Variants in IMMP2L observed in about 807,000 individuals in gnomAD.
The protein encoded by IMMP2L is mitochondrial inner membrane protease subunit 2.
A neutral mutation model predicts 19.3 loss-of-function variants in IMMP2L; 18 were observed. The observed-to-expected ratio is 0.93, with a 90% confidence interval of 0.64 to 1.38. The LOEUF (loss-of-function observed/expected upper bound fraction) is 1.38, where lower values mean the gene tolerates loss of function less well. IMMP2L is among the 40% of genes most tolerant of loss of function. The probability of loss-of-function intolerance (pLI) is 0.00; values close to 1 mark genes in which losing one functional copy is unlikely to be tolerated. For synonymous variants in IMMP2L, 76 were observed against 73.0 expected (o/e 1.04, Z -0.21); for missense variants, 233 against 218.2 (o/e 1.07, Z -0.43).
At chr7:111,135,879 G>C (rs531140787) in intron 3 of IMMP2L, among the ~76,000 whole-genome samples, 1 of 151,998 alleles carries the variant, frequency 6.6e-6, no homozygotes, top group Non-Finnish European at 1.5e-5. Flanking sequence ...CACTTTCAAG[G>C]TATCATCAAA....
intron 3 of IMMP2L, among the ~76,000 whole-genome samples, chr7:111,330,218 G>A (rs987746515): frequency 6.6e-6 from 1 of 151,574 alleles, no homozygotes; most frequent in Non-Finnish European, 1.5e-5. Flanking sequence ...ATTACAAGAT[G>A]CCCAAGGAAA....
chr7:111,488,097 G>A (rs1281055732), intron 2 of IMMP2L, among the ~76,000 whole-genome samples: 3 of 152,150 alleles, frequency 2.0e-5, no homozygotes, highest in Non-Finnish European at 4.4e-5. Flanking sequence ...TACAGACAAA[G>A]CCAATGAATA....
At chr7:111,219,434 A>G (rs1418760796) in intron 3 of IMMP2L, among the ~76,000 whole-genome samples, 1 of 152,028 alleles carries the variant, frequency 6.6e-6, no homozygotes, top group Non-Finnish European at 1.5e-5. Flanking sequence ...GCAGGTATTA[A>G]TATTTCTGCA....
chr7:111,121,804 A>T (rs982306892), intron 3 of IMMP2L, among the ~76,000 whole-genome samples: 15 of 152,176 alleles, frequency 9.9e-5, no homozygotes, highest in African/African-American at 2.9e-4. Flanking sequence ...CAGTATTCAC[A>T]ATAGCAAAGA....
At chr7:110,968,011 A>G (rs963687456) in intron 3 of IMMP2L, among the ~76,000 whole-genome samples, 1 of 151,994 alleles carries the variant, frequency 6.6e-6, no homozygotes, top group East Asian at 1.9e-4. Context: ...CCCATTCTCT[A>G]TTACCCAAAT....
chr7:111,016,315 A>G (rs1369880067), intron 3 of IMMP2L, among the ~76,000 whole-genome samples: 1 of 146,738 alleles, frequency 6.8e-6, no homozygotes, highest in Non-Finnish European at 1.5e-5. Flanking sequence ...GTCAAACTTG[A>G]AAAAAAGTCC....
chr7:110,805,085 C>A (rs1400657969), intron 5 of IMMP2L, among the ~76,000 whole-genome samples: 2 of 152,052 alleles, frequency 1.3e-5, no homozygotes, highest in African/African-American at 4.8e-5. Context: ...TGAATTATTT[C>A]TTAATCTTGA....
At chr7:111,438,607 G>A (rs1837422399) in intron 3 of IMMP2L, among the ~76,000 whole-genome samples, 1 of 151,886 alleles carries the variant, frequency 6.6e-6, no homozygotes, top group Non-Finnish European at 1.5e-5. Context: ...TGTGTTGTTA[G>A]AAGAAATGAT....
intron 5 of IMMP2L, among the ~76,000 whole-genome samples, chr7:110,734,639 CA>C (rs1432385811): frequency 1.3e-5 from 2 of 152,070 alleles, no homozygotes; most frequent in African/African-American, 4.8e-5. Flanking sequence ...ATTAGAAAAT[CA>C]GGATGGATAA....
At chr7:110,815,932 A>G (rs1802467341) in intron 5 of IMMP2L, among the ~76,000 whole-genome samples, 2 of 151,862 alleles carry the variant, frequency 1.3e-5, no homozygotes, top group Non-Finnish European at 2.9e-5. Context: ...TGCATTAATT[A>G]ATTTTTGAAG....
At chr7:111,195,039 A>G (rs1174670941) in intron 3 of IMMP2L, among the ~76,000 whole-genome samples, 2 of 152,134 alleles carry the variant, frequency 1.3e-5, no homozygotes, top group Non-Finnish European at 2.9e-5. Context: ...TAAAACTGTC[A>G]CCATTTAGTA....
At chr7:110,765,143 T>C (rs1433689787) in intron 5 of IMMP2L, among the ~76,000 whole-genome samples, 2 of 152,140 alleles carry the variant, frequency 1.3e-5, no homozygotes, top group African/African-American at 4.8e-5. Flanking sequence ...ATAAAAGATA[T>C]CTTGTAGATT....
At chr7:111,089,226 T>G (rs1796606002) in intron 3 of IMMP2L, among the ~76,000 whole-genome samples, 1 of 152,120 alleles carries the variant, frequency 6.6e-6, no homozygotes, top group Admixed American at 6.5e-5. Context: ...TTTAAGATAT[T>G]AGGTATGACT....
intron 3 of IMMP2L, among the ~76,000 whole-genome samples, chr7:111,260,099 C>G (rs1817158610): frequency 6.6e-6 from 1 of 152,146 alleles, no homozygotes. Context: ...AAGAACTACA[C>G]TCTAAAATGA....
At chr7:110,996,596 T>G (rs1343672695) in intron 3 of IMMP2L, among the ~76,000 whole-genome samples, 1 of 152,138 alleles carries the variant, frequency 6.6e-6, no homozygotes, top group Non-Finnish European at 1.5e-5. Context: ...GAGAACCAGA[T>G]TAGCAATCCC....
At chr7:111,220,316 ATTGT>A (rs1353068898) in intron 3 of IMMP2L, among the ~76,000 whole-genome samples, 4 of 152,074 alleles carry the variant, frequency 2.6e-5, no homozygotes, top group Non-Finnish European at 5.9e-5. Flanking sequence ...AGAATAAAAC[ATTGT>A]TTGGTTACCA....
At chr7:110,975,058 C>CTTTTAATATATACAAGCCT (rs375504905) in intron 3 of IMMP2L, among the ~76,000 whole-genome samples, 7 of 151,964 alleles carry the variant, frequency 4.6e-5, no homozygotes, top group African/African-American at 1.2e-4. Context: ...TTTTTGTTAA[C>CTTTTAATATATACAAGCCT]TTTTAATATA....
intron 3 of IMMP2L, among the ~76,000 whole-genome samples, chr7:111,478,889 T>C (rs539400441): frequency 1.3e-5 from 2 of 152,340 alleles, no homozygotes; most frequent in East Asian, 1.9e-4. Flanking sequence ...AAAAAAATTA[T>C]AGAAACTCTG....
rs551663931 is a variant in IMMP2L at position 110,877,791 on chromosome 7, C to A, written c.408+8802G>T. On this transcript the variant is annotated intron_variant, in intron 5 of 5. Transcript: ENST00000405709. The surrounding 1 kb of genome is among the most constrained non-coding windows in gnomAD (Gnocchi z 4.0). ...CCTATGCCAATCAAGATCTGGCATT[C>A]AGCACTAGCAAAGTGTGACATTCTA... is the stretch of plus-strand genomic sequence containing the variant. Among the ~76,000 whole-genome samples the A allele has an allele frequency of 0.014, 2,186 of 152,190 alleles. 54 individuals carry two copies. Among genetic ancestry groups the A allele is most frequent in the African/African-American group, 0.049 (2,038 of 41,528 alleles).
Sources: allele counts gnomAD v4.1 joint callset (sites outside exome capture counted in the v4.1 genomes callset), GRCh38; gene constraint gnomAD v4.1.1; non-coding constraint Gnocchi (gnomAD v3.1); transcripts MANE v1.5; gene names NCBI Gene and HGNC (gene_info 2026-07-23, HGNC 2026-07-21).